The following PXDNL variants were observed in gnomAD, a reference collection of about 807,000 sequenced individuals.
PXDNL encodes the protein peroxidasin like, also known as probable oxidoreductase PXDNL.
In PXDNL, 145 loss-of-function variants were observed where a neutral mutation model predicts 150.8. That is an observed-to-expected ratio of 0.96 (90% confidence interval 0.84 to 1.10). The LOEUF (loss-of-function observed/expected upper bound fraction) is 1.10, where lower values mean the gene tolerates loss of function less well. Ranked by LOEUF, PXDNL falls within the 50% of genes least tolerant of loss-of-function variation. PXDNL has a pLI of 0.00. For synonymous variants in PXDNL, 757 were observed against 725.7 expected, an observed-to-expected ratio of 1.04 and a Z score of -0.69; for missense variants, 2,087 against 1,873.9, an observed-to-expected ratio of 1.11 and a Z score of -2.10.
At position 51,409,464 on chromosome 8, in the gene PXDNL, G is replaced by GT; in HGVS notation, c.2159dup (p.Asn720LysfsTer301). 6.2e-7 allele frequency: 1 copy of GT among 1,612,728 alleles called. No individual in the cohort carries two copies. Among genetic ancestry groups the GT allele is most frequent in the Non-Finnish European group, 8.5e-7 (1 of 1,179,762 alleles). ...CGCGGTACTTCGCATGGAAACACCG[G>GT]TTGGAGCAGTTTGGCAGAGGCCTGC... On this transcript the variant is annotated frameshift_variant, in exon 17 of 23. Coordinates refer to ENST00000356297, the MANE Select transcript of PXDNL (RefSeq NM_144651.5). LOFTEE classifies it high-confidence loss of function.
chr8:51,674,825 G>T (rs1366881497), intron 1 of PXDNL, among the ~76,000 whole-genome samples: 1 of 152,184 alleles, frequency 6.6e-6, no homozygotes, highest in Non-Finnish European at 1.5e-5. Flanking sequence ...ATATTAACTT[G>T]CCCAAGCATA....
At chr8:51,593,169 G>C (rs908982177) in intron 2 of PXDNL, among the ~76,000 whole-genome samples, 1 of 152,124 alleles carries the variant, frequency 6.6e-6, no homozygotes, top group African/African-American at 2.4e-5. Flanking sequence ...TTACACCATA[G>C]GAAGTGAGGC....
rs1242794741 is a variant in PXDNL, at chr8:51,409,373, G to T, written c.2251C>A (p.Arg751Ser). ...TCCCGGTAGGCTGGCTGCAGCAGGC[G>T]CGCGAAGGCGGTCAGCGCCGCGCCC... Reference protein sequence around the residue: ...TWGAALTAFARLLQPAYRDGI... With the variant: ...TWGAALTAFASLLQPAYRDGI... Residue 751 changes from arginine to serine, a missense_variant, in exon 17 of 23, where the codon CGC (arginine) becomes AGC (serine). Physicochemically the swap from Arg to Ser is moderately radical, Grantham distance 110. Coordinates refer to ENST00000356297, the MANE Select transcript of PXDNL (RefSeq NM_144651.5). The T allele has an allele frequency of 1.9e-6, 3 of 1,575,040 alleles. No individual in the cohort carries two copies. Among genetic ancestry groups the T allele is most frequent in the Non-Finnish European group, 2.6e-6 (3 of 1,164,100 alleles).
intron 4 of PXDNL, among the ~76,000 whole-genome samples, chr8:51,538,370 A>G (rs942464364): frequency 3.3e-5 from 5 of 152,120 alleles, no homozygotes; most frequent in Non-Finnish European, 7.4e-5. Context: ...GATTCAATAT[A>G]GTTTCAATCA....
At chr8:51,607,022 T>G (rs1262594152) in intron 2 of PXDNL, among the ~76,000 whole-genome samples, 21 of 152,332 alleles carry the variant, frequency 1.4e-4, no homozygotes, top group Non-Finnish European at 1.5e-5. Flanking sequence ...CACCTCTTCA[T>G]GCAAAGTAAA....
chr8:51,573,126 C>T (rs73588740), intron 3 of PXDNL, among the ~76,000 whole-genome samples: 10,770 of 151,964 alleles, frequency 0.071, 980 homozygotes, highest in African/African-American at 0.22. Flanking sequence ...AAAATAATAA[C>T]TCTATTCTAG....
chr8:51,700,614 A>G (rs1043108170), intron 1 of PXDNL, among the ~76,000 whole-genome samples: 17 of 152,092 alleles, frequency 1.1e-4, no homozygotes, highest in Admixed American at 2.6e-4. Flanking sequence ...ACACAAATAC[A>G]TGTGCACACA....
In PXDNL at chr8:51,760,114, A is replaced by T. The variant is rs563262290; in HGVS notation, c.164+49067T>A. ...ACAAAAATGTATTTTCATATGTTAAAACTCGGAAGTCCATCAAAAACTGAT... is the reference window on the plus strand; with the variant it reads ...ACAAAAATGTATTTTCATATGTTAATACTCGGAAGTCCATCAAAAACTGAT... On this transcript the variant is annotated intron_variant, in intron 1 of 22. Coordinates refer to ENST00000356297, the MANE Select transcript of PXDNL (RefSeq NM_144651.5). Among the ~76,000 whole-genome samples the T allele has an allele frequency of 8.5e-5, 13 of 152,358 alleles. No homozygotes were observed. In the South Asian group the frequency reaches 2.7e-3, roughly 32 times the overall value.
At chr8:51,621,979 A>T (rs1270254225) in intron 2 of PXDNL, among the ~76,000 whole-genome samples, 2 of 149,408 alleles carry the variant, frequency 1.3e-5, no homozygotes, top group Non-Finnish European at 3.0e-5. Context: ...TTGCAGATGT[A>T]GTTAAGTTTA....
chr8:51,674,659 G>C (rs1815569942), intron 1 of PXDNL, among the ~76,000 whole-genome samples: 1 of 152,212 alleles, frequency 6.6e-6, no homozygotes, highest in South Asian at 2.1e-4. Flanking sequence ...TTGCTGTGCT[G>C]AGGAGCATGG....
intron 2 of PXDNL, among the ~76,000 whole-genome samples, chr8:51,641,772 T>C (rs2130778775): frequency 6.6e-6 from 1 of 152,196 alleles, no homozygotes; most frequent in South Asian, 2.1e-4. Flanking sequence ...TGTAAACTAG[T>C]GCAACCATTG....
intron 12 of PXDNL, among the ~76,000 whole-genome samples, chr8:51,429,309 G>A (rs1809192040): frequency 6.6e-6 from 1 of 152,210 alleles, no homozygotes. Flanking sequence ...GCCGGGTGCA[G>A]TGGCTCATGC....
chr8:51,657,071 C>T (rs573161519), intron 1 of PXDNL, among the ~76,000 whole-genome samples: 1 of 152,180 alleles, frequency 6.6e-6, no homozygotes, highest in Non-Finnish European at 1.5e-5. Flanking sequence ...GAACTACCAA[C>T]ATCATAGCTT....
rs140380351 is a variant in PXDNL at position 51,587,894 on chromosome 8, A to G, written c.308+4733T>C. ...GACCTATGTGATAAATAAGGAGAGCATGGCCACCCGACCTCACAGAATCCA... is the reference window on the plus strand; with the variant it reads ...GACCTATGTGATAAATAAGGAGAGCGTGGCCACCCGACCTCACAGAATCCA... On this transcript the variant is annotated intron_variant, in intron 3 of 22. Transcript: ENST00000356297. 1.5e-3 allele frequency among the ~76,000 whole-genome samples: 225 copies of G among 152,328 alleles called. 1 individual carries two copies. Among genetic ancestry groups the G allele is most frequent in the African/African-American group, 5.1e-3 (213 of 41,584 alleles).
intron 1 of PXDNL, among the ~76,000 whole-genome samples, chr8:51,706,873 C>T (rs1816390199): frequency 1.3e-5 from 2 of 152,168 alleles, no homozygotes; most frequent in South Asian, 4.1e-4. Flanking sequence ...AGACGTCAAC[C>T]TTTGAAGCTT....
chr8:51,360,485 A>G (rs971672191), intron 19 of PXDNL, among the ~76,000 whole-genome samples: 1 of 152,248 alleles, frequency 6.6e-6, no homozygotes, highest in African/African-American at 2.4e-5. Context: ...ATGTTTATGC[A>G]TACACATGTA....
intron 19 of PXDNL, among the ~76,000 whole-genome samples, chr8:51,368,482 A>G (rs1205492166): frequency 1.3e-5 from 2 of 152,234 alleles, no homozygotes; most frequent in Non-Finnish European, 2.9e-5. Context: ...AGATGCTGGT[A>G]TCAGTATTAA....
Position 51,772,916 on chromosome 8 carries a change from G to A in PXDNL, c.164+36265C>T, listed in dbSNP as rs76894047. Among the ~76,000 whole-genome samples, 1,259 of 152,280 alleles carry A rather than the reference G, an allele frequency of 8.3e-3. 14 individuals carry two copies. Among genetic ancestry groups the A allele is most frequent in the East Asian group, 0.048 (248 of 5,176 alleles). On this transcript the variant is annotated intron_variant, in intron 1 of 22. Coordinates refer to ENST00000356297, the MANE Select transcript of PXDNL (RefSeq NM_144651.5). ...GGCAAAAGCAAGACAACTACACAAG[G>A]CATTCACTGCACACTAATGTGCCTG...
chr8:51,746,259 G>A (rs2036983459), intron 1 of PXDNL, among the ~76,000 whole-genome samples: 1 of 152,144 alleles, frequency 6.6e-6, no homozygotes, highest in Admixed American at 6.5e-5. Flanking sequence ...GAGGAATCAG[G>A]TGTCAGTCTT....
Sources: allele counts gnomAD v4.1 joint callset (sites outside exome capture counted in the v4.1 genomes callset), GRCh38; gene constraint gnomAD v4.1.1; transcripts MANE v1.5; gene names NCBI Gene and HGNC (gene_info 2026-07-23, HGNC 2026-07-21).